Variants in RIF1 observed in about 807,000 individuals in gnomAD.
RIF1 encodes the protein telomere-associated protein RIF1.
Under a neutral mutation model 247.1 loss-of-function variants are expected in RIF1, and 45 were observed. That is an observed-to-expected ratio of 0.18 (90% confidence interval 0.14 to 0.23). The LOEUF is 0.23. Ranked by LOEUF, RIF1 falls within the 10% of genes least tolerant of loss-of-function variation. The pLI is 1.00. For missense variants in RIF1, 2,967 were observed against 2,862.5 expected (o/e 1.04, Z -0.83); for synonymous variants, 1,087 against 978.8 (o/e 1.11, Z -2.06).
In RIF1 at chr2:151,445,419, A is replaced by AT; in HGVS notation, c.2074dup (p.Ser692PhefsTer15). The AT allele has an allele frequency of 6.3e-7, 1 of 1,592,230 alleles. No individual in the cohort carries two copies. The highest frequency in any genetic ancestry group is 8.6e-7 in the Non-Finnish European group (1 of 1,160,126). ...TGCATTGACTTTACCAGTAAACCAC[A>AT]TTTTTTCAGAACAGAGATTTCCAGT... On this transcript the variant is annotated frameshift_variant, in exon 19 of 36. Transcript: ENST00000444746. LOFTEE classifies it high-confidence loss of function.
At position 151,440,048 on chromosome 2, in the gene RIF1, G is replaced by C; in HGVS notation, c.1568G>C (p.Gly523Ala). The change falls in exon 15 of 36, where the codon GGT (glycine) becomes GCT (alanine). Residue 523 changes from glycine (G) to alanine (A), a missense_variant. This residue lies in a region of RIF1 where 369 missense variants were observed against 322.0 expected (regional missense o/e 1.15). Coordinates refer to ENST00000444746, the MANE Select transcript of RIF1 (RefSeq NM_018151.5). ...ATAGGTAACAAAAAAGAGAAACCAG[G>C]TTCTGAAGTTTTGACTCTCTTATTA... The part of the protein sequence containing the change: ...TESGNKKEKP[G>A]SEVLTLLLKS... The C allele has an allele frequency of 1.3e-6, 2 of 1,573,552 alleles. No homozygotes were observed. Among genetic ancestry groups the C allele is most frequent in the Non-Finnish European group, 1.7e-6 (2 of 1,154,300 alleles).
Position 151,416,907 on chromosome 2 carries a change from C to T in RIF1, c.503+6C>T, listed in dbSNP as rs1187042004. 6.3e-7 allele frequency: 1 copy of T among 1,588,650 alleles called. No homozygotes were observed. The highest frequency in any genetic ancestry group is 1.3e-5 in the African/African-American group (1 of 74,430). ...GCATTAAATGTTATCGTAAGGTATGCATTTGGATGTTGTGCAAATTGAAGA... is the reference window on the plus strand; with the variant it reads ...GCATTAAATGTTATCGTAAGGTATGTATTTGGATGTTGTGCAAATTGAAGA... On this transcript the variant is annotated splice_donor_region_variant and intron_variant, in intron 6 of 35. Coordinates refer to ENST00000444746, the MANE Select transcript of RIF1 (RefSeq NM_018151.5).
In RIF1 at chr2:151,454,807, T is replaced by C. The variant is rs572905022; in HGVS notation, c.2345-88T>C. 2.4e-5 allele frequency: 23 copies of C among 967,800 alleles called. No individual in the cohort carries two copies. The East Asian group carries it at 5.7e-4, about 24-fold the overall frequency. 60.0% of individuals were successfully genotyped at this position (967,800 alleles called of 1,614,324 possible). A position where few individuals can be genotyped will look rare whatever the true frequency, so the allele number is the denominator to read the frequency against. ...ACATGTATTTGATGTATCTAACATT[T>C]AAATGTGAGCTATAAATTGTAAAAG... is the stretch of plus-strand genomic sequence containing the variant. On this transcript the variant is annotated intron_variant, in intron 21 of 35. Coordinates refer to ENST00000444746, the MANE Select transcript of RIF1 (RefSeq NM_018151.5).
At chr2:151,422,802 C>T in intron 7 of RIF1, 148 bp from the exon 8 acceptor site, 2 of 536,354 alleles carry the variant, frequency 3.7e-6, no homozygotes, top group South Asian at 2.3e-5. Flanking sequence ...CAGGCTTGAC[C>T]CACCGCACCT....
intron 11 of RIF1, among the ~76,000 whole-genome samples, chr2:151,499,822 G>A (rs925605119): frequency 1.3e-5 from 2 of 152,178 alleles, no homozygotes; most frequent in Non-Finnish European, 2.9e-5. Flanking sequence ...TTGTCATTAA[G>A]TTCAAGTTGT....
chr2:151,465,979 T>C lies in RIF1; in HGVS notation c.6459T>C (p.Pro2153=). 1.2e-6 allele frequency: 2 copies of C among 1,614,088 alleles called. No homozygotes were observed. Among genetic ancestry groups the C allele is most frequent in the Admixed American group, 1.7e-5 (1 of 60,020 alleles). ...ASPQKLRELD[P]SLVSANDSPS... ...CTCAAAAACTAAGGGAACTTGATCCTTCACTTGTGTCAGCAAATGACAGTC... is the reference window on the plus strand; with the variant it reads ...CTCAAAAACTAAGGGAACTTGATCCCTCACTTGTGTCAGCAAATGACAGTC... Residue 2153 remains proline, a synonymous_variant, in exon 30 of 36, where the codon CCT becomes CCC. Coordinates refer to ENST00000444746, the MANE Select transcript of RIF1 (RefSeq NM_018151.5).
At position 151,433,190 on chromosome 2, in the gene RIF1, A is replaced by G. The variant is rs1209139584; in HGVS notation, c.1039A>G (p.Met347Val). ...ACTAGAAGTCTGGTGGTATTTACTG[A>G]TGAGACTTGGACCTCATCTTCCTGC... ...TKLEVWWYLLMRLGPHLPANF... is the reference protein window; with the variant it reads ...TKLEVWWYLLVRLGPHLPANF... The change falls in exon 10 of 36, where the codon ATG (methionine) becomes GTG (valine). Residue 347 changes from methionine (M) to valine (V), a missense_variant. Physicochemically the swap from Met to Val is conservative, Grantham distance 21 (BLOSUM62 1). This residue lies in a region of RIF1 where 71 missense variants were observed against 132.9 expected (regional missense o/e 0.53). Transcript: ENST00000444746. The G allele has an allele frequency of 6.2e-7, 1 of 1,613,610 alleles. No homozygotes were observed. Among genetic ancestry groups the G allele is most frequent in the African/African-American group, 1.3e-5 (1 of 75,052 alleles).
chr2:151,451,722 T>A lies in RIF1; in HGVS notation c.2344+17T>A, dbSNP rs772476802. On this transcript the variant is annotated intron_variant, in intron 21 of 35. Coordinates refer to ENST00000444746, the MANE Select transcript of RIF1 (RefSeq NM_018151.5). ...AAGTTAAATGTAAGTATGTATTTTT[T>A]AACCTTTGTTTGTCCAGTATTTCAT... The A allele has an allele frequency of 7.8e-7, 1 of 1,275,210 alleles. No homozygotes were observed. Among genetic ancestry groups the A allele is most frequent in the Non-Finnish European group, 1.1e-6 (1 of 875,484 alleles). The allele number at this position is 1,275,210 out of a possible 1,614,324, so 79.0% of individuals were successfully genotyped here. A position where few individuals can be genotyped will look rare whatever the true frequency, so the allele number is the denominator to read the frequency against.
At chr2:151,518,191 C>G in the RIF1 span, 1 of 734,962 alleles carries the variant, frequency 1.4e-6, no homozygotes, top group South Asian at 1.6e-5. Flanking sequence ...CAAAAAGTTA[C>G]CAGATTCAAA....
chr2:151,530,993 C>G, the RIF1 span: 1 of 1,602,738 alleles, frequency 6.2e-7, no homozygotes, highest in Non-Finnish European at 8.5e-7. Flanking sequence ...CTAGTACTTA[C>G]ATCACTGACT....
At chr2:151,506,017 C>T (rs549927406) in intron 12 of RIF1, 10 of 729,024 alleles carry the variant, frequency 1.4e-5, no homozygotes, top group Admixed American at 9.9e-5. Context: ...TGAGATGACT[C>T]TAGCCACTGT....
chr2:151,457,875 A>G lies in RIF1; in HGVS notation c.2767A>G (p.Lys923Glu), dbSNP rs367624631. Reference sequence around the variant, plus strand: ...ACTATTATGCATAATATTTCTGCACAAGAATAAACAGATTCGAAAACAGAG... The same window carrying G: ...ACTATTATGCATAATATTTCTGCACGAGAATAAACAGATTCGAAAACAGAG... ...SPLLCIIFLH[K>E]NKQIRKQSAQ... Residue 923 changes from lysine to glutamate, a missense_variant, in exon 24 of 36, where the codon AAG becomes GAG. Physicochemically the swap from Lys to Glu is moderately conservative, Grantham distance 56. Transcript: ENST00000444746. The G allele has an allele frequency of 2.4e-5, 38 of 1,613,742 alleles. No homozygotes were observed. Among genetic ancestry groups the G allele is most frequent in the Non-Finnish European group, 3.1e-5 (36 of 1,179,844 alleles).
Position 151,420,280 on chromosome 2 carries a change from G to A in RIF1, c.594G>A (p.Lys198=). ...VIPLVVHSAQ[K]VHLRGATALE... ...CTTTAGTGGTTCATTCAGCACAAAA[G>A]GTACATTTGCGGGGAGCAACTGCTC... The change falls in exon 7 of 36, where the codon AAG becomes AAA. Residue 198 remains lysine (K), a synonymous_variant. Transcript: ENST00000444746. 1.9e-6 allele frequency: 3 copies of A among 1,614,160 alleles called. No individual in the cohort carries two copies. Among genetic ancestry groups the A allele is most frequent in the Non-Finnish European group, 2.5e-6 (3 of 1,180,024 alleles).
Position 151,446,357 on chromosome 2 carries a change from T to G in RIF1, c.2095-69T>G, listed in dbSNP as rs949262664. 3.1e-5 allele frequency: 42 copies of G among 1,355,396 alleles called. No individual in the cohort carries two copies. The African/African-American group carries it at 5.2e-4, about 17-fold the overall frequency. 84.0% of individuals were successfully genotyped at this position (1,355,396 alleles called of 1,614,324 possible). A position where few individuals can be genotyped will look rare whatever the true frequency, so the allele number is the denominator to read the frequency against. On this transcript the variant is annotated intron_variant, in intron 19 of 35. Transcript: ENST00000444746. ...GTGTTTTTAAAAAATGTTAAAGATG[T>G]ATTGATTCTATAAACTTTGATAGAT...
chr2:151,457,994 A>C, intron 24 of RIF1, 31 bp downstream of exon 24: 1 of 1,460,386 alleles, frequency 6.8e-7, no homozygotes, highest in Non-Finnish European at 9.6e-7. Flanking sequence ...ATATACAACT[A>C]ACTATTCTGT....
rs757616183 is a variant in RIF1, at chr2:151,464,313, A to C, written c.4793A>C (p.Glu1598Ala). 11 of 1,611,756 alleles carry C rather than the reference A, an allele frequency of 6.8e-6. No individual in the cohort carries two copies. Among genetic ancestry groups the C allele is most frequent in the Non-Finnish European group, 8.5e-6 (10 of 1,179,510 alleles). ...KVVKQECIKA[E>A]NQSHDYKATS... Reference sequence around the variant, plus strand: ...GTGAAACAGGAATGTATAAAAGCTGAAAATCAGTCACATGATTATAAAGCA... The same window carrying C: ...GTGAAACAGGAATGTATAAAAGCTGCAAATCAGTCACATGATTATAAAGCA... Residue 1598 changes from glutamate to alanine, a missense_variant, in exon 30 of 36, where the codon GAA becomes GCA. Glu to Ala is a moderately radical substitution (Grantham distance 107). This residue lies in a region of RIF1 where 2,028 missense variants were observed against 1,825.6 expected (regional missense o/e 1.11). Coordinates refer to ENST00000444746, the MANE Select transcript of RIF1 (RefSeq NM_018151.5).
chr2:151,450,311 G>A (rs1350644773), intron 20 of RIF1, among the ~76,000 whole-genome samples: 1 of 152,144 alleles, frequency 6.6e-6, no homozygotes, highest in African/African-American at 2.4e-5. Context: ...AATTCATCCT[G>A]TGTTATAACT....
chr2:151,524,101 A>G, the RIF1 span, among the ~76,000 whole-genome samples: 1 of 152,194 alleles, frequency 6.6e-6, no homozygotes, highest in Non-Finnish European at 1.5e-5. Flanking sequence ...AAATGCCCAT[A>G]AATGGTAAAG....
At chr2:151,489,900 A>T in intron 9 of RIF1, 1 of 1,213,246 alleles carries the variant, frequency 8.2e-7, no homozygotes, top group East Asian at 2.3e-5. Flanking sequence ...GTAATACCTA[A>T]TACTTATAAT....
Sources: gnomAD v4.1 joint callset for allele counts (sites outside exome capture counted in the v4.1 genomes callset) on GRCh38, gnomAD v4.1.1 for gene constraint, gnomAD v4.1.1 regional missense constraint, MANE v1.5 for transcripts, NCBI Gene and HGNC (gene_info 2026-07-23, HGNC 2026-07-21) for gene names.